The following MTAP variants were observed in gnomAD, a reference collection of about 807,000 sequenced individuals.
The protein encoded by MTAP is methylthioadenosine phosphorylase.
Under a neutral mutation model 33.6 loss-of-function variants are expected in MTAP, and 33 were observed. That is an observed-to-expected ratio of 0.98 (90% CI 0.74 to 1.31). The LOEUF is 1.31. Among genes scored for constraint, MTAP ranks in the 40% most tolerant of loss-of-function variants. The probability of loss-of-function intolerance (pLI) is 0.00; values close to 1 mark genes in which losing one functional copy is unlikely to be tolerated. For missense variants in MTAP, 367 were observed against 360.0 expected (o/e 1.02, Z -0.16); for synonymous variants, 148 against 125.7 (o/e 1.18, Z -1.19).
intron 1 of MTAP, among the ~76,000 whole-genome samples, chr9:21,923,926 C>A (rs1818827441): frequency 6.6e-6 from 1 of 152,096 alleles, no homozygotes; most frequent in South Asian, 2.1e-4. Context: ...GACAAAGTAC[C>A]CATAGGACAG....
At chr9:21,834,823 A>C (rs542012988) in intron 4 of MTAP, among the ~76,000 whole-genome samples, 310 of 152,350 alleles carry the variant, frequency 2.0e-3, no homozygotes, top group African/African-American at 7.3e-3. Context: ...AAGGGTTAGC[A>C]TGTGGACATC....
chr9:21,830,496 G>C (rs891568421), intron 4 of MTAP, among the ~76,000 whole-genome samples: 1 of 152,210 alleles, frequency 6.6e-6, no homozygotes, highest in African/African-American at 2.4e-5. Context: ...AAGATGGTTA[G>C]GAGTGGGATT....
chr9:21,912,725 G>A (rs1818600805), intron 1 of MTAP, among the ~76,000 whole-genome samples: 1 of 152,204 alleles, frequency 6.6e-6, no homozygotes, highest in Admixed American at 6.5e-5. Flanking sequence ...ACTGGCACAA[G>A]ACAGGGGTGC....
chr9:21,938,629 C>T (rs1352366810), downstream of MTAP, among the ~76,000 whole-genome samples: 1 of 152,010 alleles, frequency 6.6e-6, no homozygotes, highest in African/African-American at 2.4e-5. Context: ...TTTTAGTTAC[C>T]TTAAAATGTT....
At chr9:21,898,516 G>A (rs899860879) in intron 1 of MTAP, among the ~76,000 whole-genome samples, 14 of 152,044 alleles carry the variant, frequency 9.2e-5, no homozygotes, top group African/African-American at 3.4e-4. Flanking sequence ...AATCTACAAA[G>A]AACTTAAACA....
intron 1 of MTAP, among the ~76,000 whole-genome samples, chr9:21,875,480 T>C (rs1825992882): frequency 2.0e-5 from 3 of 152,140 alleles, no homozygotes; most frequent in Admixed American, 2.0e-4. Flanking sequence ...CCTTGTAGAT[T>C]CTGGATATTA....
chr9:21,898,452 G>A (rs1220951111), intron 1 of MTAP, among the ~76,000 whole-genome samples: 1 of 152,112 alleles, frequency 6.6e-6, no homozygotes, highest in Non-Finnish European at 1.5e-5. Flanking sequence ...GGCAATCTAT[G>A]GAATGGGAGA....
At chr9:21,927,190 A>C (rs1266473529) in intron 1 of MTAP, among the ~76,000 whole-genome samples, 1 of 152,146 alleles carries the variant, frequency 6.6e-6, no homozygotes, top group Admixed American at 6.5e-5. Flanking sequence ...TGGAAGTTCT[A>C]ACTCAAACCA....
At chr9:21,920,552 A>T (rs1467950122) in intron 1 of MTAP, among the ~76,000 whole-genome samples, 1 of 152,206 alleles carries the variant, frequency 6.6e-6, no homozygotes, top group African/African-American at 2.4e-5. Flanking sequence ...AAGTGCAATT[A>T]TGCAAACCCA....
chr9:21,916,291 C>G (rs756446781), intron 1 of MTAP, among the ~76,000 whole-genome samples: 5 of 152,076 alleles, frequency 3.3e-5, no homozygotes, highest in Admixed American at 6.6e-5. Context: ...GGACCCTAAT[C>G]TAATGATTGG....
At chr9:21,802,955 G>A in intron 1 of MTAP, 174 bp downstream of exon 1, 1 of 1,357,228 alleles carries the variant, frequency 7.4e-7, no homozygotes, top group Non-Finnish European at 9.4e-7. Context: ...GAGAGGGTAC[G>A]CTTGCAAATG....
intron 1 of MTAP, among the ~76,000 whole-genome samples, chr9:21,905,875 A>G (rs902200774): frequency 1.3e-5 from 2 of 152,234 alleles, no homozygotes; most frequent in Non-Finnish European, 2.9e-5. Flanking sequence ...GCAAAGGGAG[A>G]TGACAACACT....
chr9:21,938,623 A>G (rs1819084560), downstream of MTAP, among the ~76,000 whole-genome samples: 1 of 152,194 alleles, frequency 6.6e-6, no homozygotes, highest in Non-Finnish European at 1.5e-5. Context: ...TCATAATTTT[A>G]GTTACCTTAA....
At chr9:21,937,789 A>G (rs1188990461), downstream of MTAP, 2 of 152,206 alleles carry the variant, frequency 1.3e-5, no homozygotes, top group African/African-American at 4.8e-5. Flanking sequence ...CCTCAAGCTA[A>G]GTAGGATTTT....
In MTAP at chr9:21,865,799, G is replaced by A; in HGVS notation, c.*3785G>A. 2.7e-5 allele frequency: 27 copies of A among 1,017,952 alleles called. No homozygotes were observed. Among genetic ancestry groups the A allele is most frequent in the Non-Finnish European group, 3.0e-5 (25 of 846,560 alleles). 63.1% of individuals were successfully genotyped at this position (1,017,952 alleles called of 1,614,324 possible). ...CAATCTCGGCATGCATTATTTCTTT[G>A]TTTTGAAGATTCACTCATGTTGCAT... On this transcript the variant is annotated 3_prime_UTR_variant, in exon 8 of 8. Transcript: ENST00000644715.
intron 5 of MTAP, among the ~76,000 whole-genome samples, chr9:21,851,246 G>A (rs1825503817): frequency 6.6e-6 from 1 of 152,176 alleles, no homozygotes; most frequent in African/African-American, 2.4e-5. Flanking sequence ...AATACAGAAT[G>A]GGTAGTAGAA....
At chr9:21,892,084 T>C (rs557428165) in intron 1 of MTAP, 22 of 152,310 alleles carry the variant, frequency 1.4e-4, no homozygotes, top group African/African-American at 4.8e-4. Context: ...TAAGGGAATT[T>C]GTTACCATCA....
chr9:21,841,927 G>A (rs954472758), intron 5 of MTAP, among the ~76,000 whole-genome samples: 9 of 152,274 alleles, frequency 5.9e-5, no homozygotes, highest in Admixed American at 2.0e-4. Flanking sequence ...AAACCAAGAG[G>A]AAATCTCTGA....
chr9:21,840,012 G>A (rs922501712), intron 5 of MTAP, among the ~76,000 whole-genome samples: 2 of 152,212 alleles, frequency 1.3e-5, no homozygotes, highest in African/African-American at 4.8e-5. Context: ...GGATCATGAG[G>A]TCAGGAGATC....
Sources: allele counts gnomAD v4.1 joint callset (sites outside exome capture counted in the v4.1 genomes callset), GRCh38; gene constraint gnomAD v4.1.1; transcripts MANE v1.5; gene names NCBI Gene and HGNC (gene_info 2026-07-23, HGNC 2026-07-21).